Variants in COPA observed in about 807,000 individuals in gnomAD.
COPA encodes coat protein complex I subunit alpha, also known as coatomer subunit alpha.
A neutral mutation model predicts 158.7 loss-of-function variants in COPA; 10 were observed. The ratio of observed to expected loss-of-function variants is 0.06; its 90% CI spans 0.04 to 0.11. COPA has a LOEUF of 0.11. Among genes scored for constraint, COPA ranks in the 10% least tolerant of loss-of-function variants. The pLI, the probability that COPA is intolerant of heterozygous loss-of-function variation, is 1.00. For missense variants in COPA, 1,065 were observed against 1,536.7 expected, an observed-to-expected ratio of 0.69 and a Z score of 5.13; for synonymous variants, 462 against 542.8, an observed-to-expected ratio of 0.85 and a Z score of 2.07.
intron 29 of COPA, 40 bp downstream of exon 29, chr1:160,291,971 TG>T (rs1262392210): frequency 6.2e-7 from 1 of 1,614,012 alleles, no homozygotes; most frequent in African/African-American, 1.3e-5. Flanking sequence ...GACAAGAATG[TG>T]GAAGTGCCCA....
intron 3 of COPA, among the ~76,000 whole-genome samples, chr1:160,335,626 G>A (rs111723838): frequency 0.033 from 5,006 of 152,102 alleles, 272 homozygotes; most frequent in African/African-American, 0.11. Flanking sequence ...ACTCATGCCT[G>A]TAATCCCAGC....
At chr1:160,312,986 C>A in intron 10 of COPA, 99 bp downstream of exon 10, 1 of 1,060,684 alleles carries the variant, frequency 9.4e-7, no homozygotes. Context: ...TTCTTCTTGT[C>A]ATCCTACTAT....
At chr1:160,294,415 G>A in intron 25 of COPA, 69 bp downstream of exon 25, 1 of 1,342,314 alleles carries the variant, frequency 7.4e-7, no homozygotes, top group Non-Finnish European at 1.1e-6. Flanking sequence ...AGTGGTAGGG[G>A]ACAATAAGGC....
At chr1:160,336,503 A>G (rs1647769743) in intron 3 of COPA, among the ~76,000 whole-genome samples, 3 of 152,186 alleles carry the variant, frequency 2.0e-5, no homozygotes, top group Non-Finnish European at 2.9e-5. Flanking sequence ...GGAAAATACT[A>G]CATTGCTCAG....
At chr1:160,296,565 C>G (rs1373548693) in intron 21 of COPA, among the ~76,000 whole-genome samples, 2 of 152,210 alleles carry the variant, frequency 1.3e-5, no homozygotes, top group Non-Finnish European at 2.9e-5. Flanking sequence ...GGTGAGTCTT[C>G]AGATATCTGC....
intron 8 of COPA, among the ~76,000 whole-genome samples, chr1:160,316,391 G>C (rs188980614): frequency 6.6e-6 from 1 of 151,562 alleles, no homozygotes; most frequent in Non-Finnish European, 1.5e-5. Flanking sequence ...AAAATAAAAA[G>C]AATGAAAAGG....
chr1:160,328,987 A>C (rs1342123076), intron 6 of COPA, among the ~76,000 whole-genome samples: 1 of 152,218 alleles, frequency 6.6e-6, no homozygotes, highest in Non-Finnish European at 1.5e-5. Flanking sequence ...GGGAGTATTC[A>C]TACTCTCATT....
At chr1:160,305,206 CTTAT>C (rs1658745394) in intron 17 of COPA, 10 of 455,544 alleles carry the variant, frequency 2.2e-5, no homozygotes, top group South Asian at 6.8e-5. Context: ...CACTACATAA[CTTAT>C]TTGTTATTCT....
chr1:160,305,077 G>C (rs1181475635), intron 17 of COPA, among the ~76,000 whole-genome samples: 1 of 152,188 alleles, frequency 6.6e-6, no homozygotes, highest in Non-Finnish European at 1.5e-5. Flanking sequence ...AGAAATTACT[G>C]TAAAAACTAG....
intron 8 of COPA, among the ~76,000 whole-genome samples, chr1:160,322,989 G>GCACACACACACA (rs112126446): frequency 1.0e-3 from 150 of 145,408 alleles, no homozygotes; most frequent in African/African-American, 3.6e-3. Context: ...ACGCGCACGT[G>GCACACACACACA]CACACACACA....
At chr1:160,305,385 T>C (rs747945132) in intron 17 of COPA, 48 bp downstream of exon 17, 1 of 1,577,538 alleles carries the variant, frequency 6.3e-7, no homozygotes, top group South Asian at 1.1e-5. Context: ...AGACAGTGAT[T>C]TCAGGAAGCT....
At chr1:160,296,772 T>C (rs1571151647) in intron 21 of COPA, among the ~76,000 whole-genome samples, 2 of 152,228 alleles carry the variant, frequency 1.3e-5, no homozygotes, top group East Asian at 3.8e-4. Flanking sequence ...GCTGAGAACC[T>C]TGGATATCCC....
chr1:160,323,362 G>C, intron 8 of COPA, 69 bp downstream of exon 8: 2 of 1,284,288 alleles, frequency 1.6e-6, no homozygotes, highest in Non-Finnish European at 2.2e-6. Flanking sequence ...GAGTCCAGAA[G>C]ACCTGGCTAC....
Position 160,309,122 on chromosome 1 carries a change from C to G in COPA, c.1198G>C (p.Ala400Pro). The change falls in exon 13 of 33, where the codon GCT (alanine) becomes CCT (proline). Residue 400 changes from alanine to proline, a missense_variant. This residue lies in a region of COPA where 980 missense variants were observed against 1,357.8 expected (regional missense o/e 0.72). Coordinates refer to ENST00000241704, the MANE Select transcript of COPA (RefSeq NM_004371.4). ...TYDLYTIPKD[A>P]DSQNPDAPEG... ...TTACCATCAGGATTCTGGGAGTCAG[C>G]ATCTTTAGGGATGGTGTACAGGTCA... is the stretch of plus-strand genomic sequence containing the variant. The G allele has an allele frequency of 6.2e-7, 1 of 1,613,632 alleles. No individual in the cohort carries two copies.
At position 160,292,526 on chromosome 1, in the gene COPA, A is replaced by G. The variant is rs2101821475; in HGVS notation, c.2918T>C (p.Leu973Pro). 3 of 1,614,004 alleles carry G rather than the reference A, an allele frequency of 1.9e-6. No individual in the cohort carries two copies. The highest frequency in any genetic ancestry group is 2.5e-6 in the Non-Finnish European group (3 of 1,179,962). The stretch of plus-strand genomic sequence containing the variant: ...GCCATACATGGAGGGTAGGCAGGGC[A>G]GAGCCTGATAGGTTGTGCGGCCTCG... The part of the protein sequence containing the change: ...YARGRTTYQA[L>P]PCLPSMYGYP... The change falls in exon 28 of 33, where the codon CTG becomes CCG. Residue 973 changes from leucine to proline, a missense_variant. Leu to Pro is a moderately conservative substitution (Grantham distance 98). Coordinates refer to ENST00000241704, the MANE Select transcript of COPA (RefSeq NM_004371.4).
At chr1:160,315,879 T>C (rs560869484) in intron 8 of COPA, among the ~76,000 whole-genome samples, 119 of 152,288 alleles carry the variant, frequency 7.8e-4, no homozygotes, top group African/African-American at 2.8e-3. Flanking sequence ...AAGAGATGGC[T>C]GAAAAACAAT....
intron 21 of COPA, among the ~76,000 whole-genome samples, chr1:160,296,375 G>A (rs964899194): frequency 6.6e-6 from 1 of 152,224 alleles, no homozygotes; most frequent in Non-Finnish European, 1.5e-5. Context: ...CAAAGATTGT[G>A]GCTTCTATCT....
intron 9 of COPA, 30 bp from the exon 10 acceptor site, chr1:160,313,197 T>A: frequency 6.3e-7 from 1 of 1,590,964 alleles, no homozygotes; most frequent in Non-Finnish European, 8.6e-7. Flanking sequence ...AGAAAAACAT[T>A]AATTTCCTAG....
chr1:160,293,339 A>G (rs1249001384), intron 26 of COPA, 47 bp downstream of exon 26: 6 of 1,610,144 alleles, frequency 3.7e-6, no homozygotes, highest in Non-Finnish European at 1.7e-6. Context: ...TATACCAATC[A>G]AGTATTAGCC....
Sources: gnomAD v4.1 joint callset for allele counts (sites outside exome capture counted in the v4.1 genomes callset) on GRCh38, gnomAD v4.1.1 for gene constraint, gnomAD v4.1.1 regional missense constraint, MANE v1.5 for transcripts, NCBI Gene and HGNC (gene_info 2026-07-23, HGNC 2026-07-21) for gene names.